GABRB1: variants seen among roughly 807,000 people sequenced by gnomAD.
The protein encoded by GABRB1 is gamma-aminobutyric acid type A receptor subunit beta1.
GABRB1 carries 17 observed loss-of-function variants against 51.6 expected under a neutral mutation model. The observed-to-expected ratio is 0.33, with a 90% CI of 0.23 to 0.49. The LOEUF (loss-of-function observed/expected upper bound fraction) is 0.49, where lower values mean the gene tolerates loss of function less well. Among genes scored for constraint, GABRB1 ranks in the 20% least tolerant of loss-of-function variants. The probability of loss-of-function intolerance (pLI) is 0.99; values close to 1 mark genes in which losing one functional copy is unlikely to be tolerated. For missense variants in GABRB1, 410 were observed against 600.6 expected, an observed-to-expected ratio of 0.68 and a Z score of 3.32; for synonymous variants, 247 against 218.9, an observed-to-expected ratio of 1.13 and a Z score of -1.14.
intron 4 of GABRB1, among the ~76,000 whole-genome samples, chr4:47,185,738 A>T (rs1201314830): frequency 6.6e-6 from 1 of 151,878 alleles, no homozygotes; most frequent in Admixed American, 6.6e-5. Context: ...TTCATATTAT[A>T]TGTAATTGTA....
At chr4:47,227,736 A>G (rs1720997071) in intron 4 of GABRB1, among the ~76,000 whole-genome samples, 1 of 152,130 alleles carries the variant, frequency 6.6e-6, no homozygotes, top group South Asian at 2.1e-4. Context: ...TAGGTGTCTT[A>G]AATAACCACA....
In GABRB1 at chr4:47,270,414, T is replaced by C. The variant is rs542621316; in HGVS notation, c.462-49713T>C. On this transcript the variant is annotated intron_variant, in intron 4 of 8. Transcript: ENST00000295454. ...GAGCCTTTCAGAGCTGCAAGCAATA[T>C]TACTCCCAAGCACAGCAAGGTCAGC... Among the ~76,000 whole-genome samples the C allele has an allele frequency of 4.4e-4, 67 of 152,294 alleles. No individual in the cohort carries two copies. In the South Asian group the frequency reaches 8.5e-3, roughly 19 times the overall value.
At chr4:47,341,328 A>C (rs1272674089) in intron 5 of GABRB1, among the ~76,000 whole-genome samples, 1 of 151,226 alleles carries the variant, frequency 6.6e-6, no homozygotes, top group African/African-American at 2.4e-5. Context: ...CGATCCCACA[A>C]CACCAGTGGC....
At chr4:47,139,590 C>T (rs540751737) in intron 3 of GABRB1, among the ~76,000 whole-genome samples, 23 of 152,088 alleles carry the variant, frequency 1.5e-4, no homozygotes, top group Non-Finnish European at 2.6e-4. Context: ...CATAGAATCA[C>T]GACTAGGTCT....
intron 4 of GABRB1, among the ~76,000 whole-genome samples, chr4:47,297,044 A>T (rs1483520051): frequency 6.6e-6 from 1 of 152,144 alleles, no homozygotes; most frequent in Non-Finnish European, 1.5e-5. Flanking sequence ...AGAAATAAAG[A>T]TGTTCTTTGA....
chr4:47,012,012 A>T (rs1350632731), intron 1 of GABRB1, among the ~76,000 whole-genome samples: 1 of 152,190 alleles, frequency 6.6e-6, no homozygotes, highest in Non-Finnish European at 1.5e-5. Flanking sequence ...TAAATTAATA[A>T]AACATTACAG....
chr4:47,117,362 C>T (rs1461612421), intron 3 of GABRB1, among the ~76,000 whole-genome samples: 1 of 152,194 alleles, frequency 6.6e-6, no homozygotes, highest in Non-Finnish European at 1.5e-5. Context: ...GAGTAAGTCT[C>T]TCTAATCTGG....
At chr4:47,120,993 C>A (rs1321482237) in intron 3 of GABRB1, among the ~76,000 whole-genome samples, 1 of 152,224 alleles carries the variant, frequency 6.6e-6, no homozygotes, top group Non-Finnish European at 1.5e-5. Flanking sequence ...TGCCCTCCAA[C>A]TCCACTGGCT....
intron 5 of GABRB1, among the ~76,000 whole-genome samples, chr4:47,357,104 T>C (rs1170442494): frequency 1.3e-5 from 2 of 152,206 alleles, no homozygotes; most frequent in Non-Finnish European, 2.9e-5. Context: ...TACCTTTCTT[T>C]CTTGTAATAA....
chr4:47,392,908 A>T (rs947934332), intron 5 of GABRB1, among the ~76,000 whole-genome samples: 12 of 152,240 alleles, frequency 7.9e-5, no homozygotes, highest in Admixed American at 7.9e-4. Flanking sequence ...CAGACAGCAG[A>T]AGTCCATCTA....
At chr4:47,319,748 G>A (rs1188309122) in intron 4 of GABRB1, among the ~76,000 whole-genome samples, 1 of 152,158 alleles carries the variant, frequency 6.6e-6, no homozygotes, top group Non-Finnish European at 1.5e-5. Flanking sequence ...TACAGTTTAA[G>A]AAAGGTTAAT....
At chr4:47,342,395 CA>C (rs5858064) in intron 5 of GABRB1, among the ~76,000 whole-genome samples, 12 of 151,646 alleles carry the variant, frequency 7.9e-5, no homozygotes, top group Admixed American at 2.6e-4. Context: ...AGGCACCCCA[CA>C]AAAAAATACT....
At chr4:47,138,967 A>G (rs761652024) in intron 3 of GABRB1, among the ~76,000 whole-genome samples, 9 of 152,036 alleles carry the variant, frequency 5.9e-5, no homozygotes, top group Non-Finnish European at 1.3e-4. Context: ...GTGGCTTCCA[A>G]ACATTTGGGA....
intron 3 of GABRB1, among the ~76,000 whole-genome samples, chr4:47,053,474 T>G (rs183260915): frequency 1.1e-4 from 16 of 152,294 alleles, no homozygotes; most frequent in African/African-American, 3.8e-4. Flanking sequence ...TTAATCTCAT[T>G]CGTGAATACT....
At chr4:47,005,083 T>G (rs1394832054) in intron 1 of GABRB1, among the ~76,000 whole-genome samples, 4 of 152,148 alleles carry the variant, frequency 2.6e-5, no homozygotes, top group Admixed American at 2.6e-4. Context: ...CTAGGGTTAA[T>G]GTCCCAGATG....
chr4:47,347,805 T>C (rs1726156842), intron 5 of GABRB1, among the ~76,000 whole-genome samples: 1 of 152,296 alleles, frequency 6.6e-6, no homozygotes, highest in African/African-American at 2.4e-5. Flanking sequence ...TCAAGGTGAC[T>C]GTGATAATAA....
intron 3 of GABRB1, among the ~76,000 whole-genome samples, chr4:47,077,710 T>C (rs183337792): frequency 6.6e-6 from 1 of 151,178 alleles, no homozygotes; most frequent in African/African-American, 2.4e-5. Context: ...TGAGATACTT[T>C]GTTCCACTTT....
intron 4 of GABRB1, among the ~76,000 whole-genome samples, chr4:47,229,362 A>G (rs1474080165): frequency 1.3e-5 from 2 of 152,168 alleles, no homozygotes; most frequent in African/African-American, 4.8e-5. Context: ...GAGATAAGTG[A>G]TATTTATTTG....
Position 47,024,638 on chromosome 4 carries a change from G to A in GABRB1, c.-19-7276G>A, listed in dbSNP as rs537072404. Among the ~76,000 whole-genome samples, 3 of 151,626 alleles carry A rather than the reference G, an allele frequency of 2.0e-5. No homozygotes were observed. The South Asian group carries it at 6.2e-4, about 32-fold the overall frequency. On this transcript the variant is annotated intron_variant, in intron 1 of 3. Transcript: ENST00000513567. Reference sequence around the variant, plus strand: ...TTTGGTTATATGGATAAGTTCCTTAGTGATGATTTGTGAGATTTTGGTGCA... The same window carrying A: ...TTTGGTTATATGGATAAGTTCCTTAATGATGATTTGTGAGATTTTGGTGCA...
Sources: allele counts gnomAD v4.1 joint callset (sites outside exome capture counted in the v4.1 genomes callset), GRCh38; gene constraint gnomAD v4.1.1; transcripts MANE v1.5; gene names NCBI Gene and HGNC (gene_info 2026-07-23, HGNC 2026-07-21).